The following POLQ variants were observed in gnomAD, a reference collection of about 807,000 sequenced individuals.
POLQ encodes epididymis secretory sperm binding protein.
Under a neutral mutation model 259.2 loss-of-function variants are expected in POLQ, and 233 were observed. The ratio of observed to expected loss-of-function variants is 0.90; its 90% confidence interval spans 0.81 to 1.00. The LOEUF is 1.00. POLQ is among the 50% of genes least tolerant of loss of function. POLQ has a pLI of 0.00. For synonymous variants in POLQ, 1,025 were observed against 1,048.8 expected, an observed-to-expected ratio of 0.98 and a Z score of 0.44; for missense variants, 2,871 against 3,051.6, an observed-to-expected ratio of 0.94 and a Z score of 1.39.
chr3:121,508,016 A>ATTTTTTTTTTTTTTTT (rs4048669), intron 12 of POLQ, among the ~76,000 whole-genome samples: 1 of 129,646 alleles, frequency 7.7e-6, no homozygotes, highest in Non-Finnish European at 1.6e-5. Flanking sequence ...ACCATACACA[A>ATTTTTTTTTTTTTTTT]TTTTTTTTTT....
rs368379916 is a variant in POLQ at position 121,432,340 on chromosome 3, G to A, written c.7737C>T (p.Gly2579=). The change falls in exon 30 of 30, where the codon GGC becomes GGT. Residue 2579 remains glycine, a synonymous_variant. Coordinates refer to ENST00000264233, the MANE Select transcript of POLQ (RefSeq NM_199420.4). Reference sequence around the variant, plus strand: ...AGTCCTTTAGCTCTCCCCAGCTGGCGCCTATTTTCACTTTCACTTTCAATT... The same window carrying A: ...AGTCCTTTAGCTCTCCCCAGCTGGCACCTATTTTCACTTTCACTTTCAATT... ...SVKLKVKVKI[G]ASWGELKDFD... is the part of the protein sequence containing the mutation. The A allele has an allele frequency of 1.8e-5, 29 of 1,605,568 alleles. No individual in the cohort carries two copies. Among genetic ancestry groups the A allele is most frequent in the African/African-American group, 2.7e-5 (2 of 74,236 alleles).
chr3:121,540,916 G>C (rs2048484877), intron 3 of POLQ, among the ~76,000 whole-genome samples: 1 of 143,394 alleles, frequency 7.0e-6, no homozygotes, highest in African/African-American at 2.6e-5. Context: ...TTTTGAGACA[G>C]AGTCTTACTC....
At chr3:121,436,949 T>C (rs1371443763) in intron 27 of POLQ, among the ~76,000 whole-genome samples, 1 of 152,102 alleles carries the variant, frequency 6.6e-6, no homozygotes, top group Non-Finnish European at 1.5e-5. Context: ...TCTGGGTTAA[T>C]ATCCAGGTGT....
At chr3:121,448,866 G>A (rs376834075) in intron 26 of POLQ, among the ~76,000 whole-genome samples, 2 of 152,008 alleles carry the variant, frequency 1.3e-5, no homozygotes, top group Non-Finnish European at 2.9e-5. Context: ...ATTATTATAC[G>A]TAAATTATAC....
intron 26 of POLQ, among the ~76,000 whole-genome samples, chr3:121,444,770 T>C (rs1274670403): frequency 6.6e-6 from 1 of 152,072 alleles, no homozygotes; most frequent in African/African-American, 2.4e-5. Context: ...TATGTAGAGG[T>C]ATGTTTCTTG....
At position 121,545,799 on chromosome 3, in the gene POLQ, T is replaced by C. The variant is rs1341647899; in HGVS notation, c.79A>G (p.Ser27Gly). The change falls in exon 1 of 30, where the codon AGC (serine) becomes GGC (glycine). Residue 27 changes from serine (S) to glycine (G), a missense_variant. This residue lies in a region of POLQ where 783 missense variants were observed against 906.2 expected (regional missense o/e 0.86). Transcript: ENST00000264233. Reference sequence around the variant, plus strand: ...GAGAGGAACTGGGGGCTGGCACTGCTGTCACCGCCGCTTCCCGAGAACGAA... The same window carrying C: ...GAGAGGAACTGGGGGCTGGCACTGCCGTCACCGCCGCTTCCCGAGAACGAA... ...SDSFSGSGGDSSASPQFLSGS... is the reference protein window; with the variant it reads ...SDSFSGSGGDGSASPQFLSGS... 1.9e-6 allele frequency: 3 copies of C among 1,612,480 alleles called. No homozygotes were observed. The highest frequency in any genetic ancestry group is 1.1e-5 in the South Asian group (1 of 90,766).
At chr3:121,499,586 A>T (rs2048151058) in intron 12 of POLQ, among the ~76,000 whole-genome samples, 1 of 152,180 alleles carries the variant, frequency 6.6e-6, no homozygotes, top group Non-Finnish European at 1.5e-5. Flanking sequence ...AGACACTTCT[A>T]ATATCAATAT....
intron 25 of POLQ, among the ~76,000 whole-genome samples, chr3:121,455,507 G>C (rs1379422510): frequency 7.3e-6 from 1 of 136,166 alleles, no homozygotes; most frequent in Non-Finnish European, 1.6e-5. Flanking sequence ...AAGAAGAAAA[G>C]AGAGAAGAAT....
Position 121,460,234 on chromosome 3 carries a change from C to G in POLQ, c.6968G>C (p.Gly2323Ala). The G allele has an allele frequency of 1.2e-6, 2 of 1,608,040 alleles. No individual in the cohort carries two copies. The highest frequency in any genetic ancestry group is 1.7e-6 in the Non-Finnish European group (2 of 1,174,618). Reference protein sequence around the residue: ...SMRHAFVPFPGGSILAADYSQ... With the variant: ...SMRHAFVPFPAGSILAADYSQ... Reference sequence around the variant, plus strand: ...GTAGTCAGCAGCCAGTATTGAACCACCTGAAGTAGAAGTGATTTCAGAAAA... The same window carrying G: ...GTAGTCAGCAGCCAGTATTGAACCAGCTGAAGTAGAAGTGATTTCAGAAAA... The change falls in exon 25 of 30, where the codon GGT becomes GCT. Residue 2323 changes from glycine to alanine, a missense_variant and splice_region_variant. By Grantham distance (60) the Gly-to-Ala change is moderately conservative. Transcript: ENST00000264233.
chr3:121,519,953 AG>A lies in POLQ; in HGVS notation c.1385del (p.Pro462LeufsTer8). ...TATCTAGAGGTCGACCACCAAAAAT[AG>A]GGGTTCGAATAATCACACGACGTGC... ...LPARRVIIRT[P>X]IFGGRPLDIL... On this transcript the variant is annotated frameshift_variant, in exon 9 of 30. Coordinates refer to ENST00000264233, the MANE Select transcript of POLQ (RefSeq NM_199420.4). LOFTEE classifies it high-confidence loss of function. The A allele has an allele frequency of 1.9e-6, 3 of 1,612,208 alleles. No individual in the cohort carries two copies. Among genetic ancestry groups the A allele is most frequent in the Non-Finnish European group, 2.5e-6 (3 of 1,178,328 alleles).
Position 121,432,982 on chromosome 3 carries a change from C to T in POLQ, c.7595G>A (p.Gly2532Asp). 2 of 1,613,010 alleles carry T rather than the reference C, an allele frequency of 1.2e-6. No individual in the cohort carries two copies. The highest frequency in any genetic ancestry group is 1.7e-6 in the Non-Finnish European group (2 of 1,179,024). ...ATCATGGAGTTGAAGGATGAAGAAG[C>T]CTCCTCTGATTGGGCAGAACATCCC... is the stretch of plus-strand genomic sequence containing the variant. ...LQGMFCPIRGGFFILQLHDEL... is the reference protein window; with the variant it reads ...LQGMFCPIRGDFFILQLHDEL... Residue 2532 changes from glycine to aspartate, a missense_variant, in exon 29 of 30, where the codon GGC (glycine) becomes GAC (aspartate). Physicochemically the swap from Gly to Asp is moderately conservative, Grantham distance 94 (BLOSUM62 -1). Coordinates refer to ENST00000264233, the MANE Select transcript of POLQ (RefSeq NM_199420.4).
intron 26 of POLQ, among the ~76,000 whole-genome samples, chr3:121,442,168 G>A (rs2047597849): frequency 1.3e-5 from 2 of 151,942 alleles, no homozygotes; most frequent in South Asian, 2.1e-4. Flanking sequence ...TTTAATTTTT[G>A]TGGGTATATA....
intron 24 of POLQ, 60 bp downstream of exon 24, chr3:121,467,459 C>A (rs1435716676): frequency 1.9e-6 from 3 of 1,558,572 alleles, no homozygotes; most frequent in Non-Finnish European, 2.6e-6. Flanking sequence ...CAGGCTTTAT[C>A]CATGCTTTGA....
chr3:121,523,920 A>C (rs972973157), intron 7 of POLQ, among the ~76,000 whole-genome samples: 4 of 152,132 alleles, frequency 2.6e-5, no homozygotes, highest in African/African-American at 4.8e-5. Context: ...AGGGCAATTA[A>C]TTTTTTAAAA....
rs370077880 is a variant in POLQ, at chr3:121,444,981, A to T, written c.7264+4334T>A. On this transcript the variant is annotated intron_variant, in intron 26 of 29. Coordinates refer to ENST00000264233, the MANE Select transcript of POLQ (RefSeq NM_199420.4). ...TCATGATGAATGATCTTTCTAATAT[A>T]TTGTTGAATTCCATTTGTTACTATT... 3.2e-4 allele frequency among the ~76,000 whole-genome samples: 48 copies of T among 152,240 alleles called. No homozygotes were observed. The South Asian group carries it at 1.0e-2, about 32-fold the overall frequency.
Position 121,431,989 on chromosome 3 carries a change from G to A in POLQ, c.*315C>T, listed in dbSNP as rs749775954. 1.7e-4 allele frequency: 38 copies of A among 221,492 alleles called. No homozygotes were observed. Among genetic ancestry groups the A allele is most frequent in the Middle Eastern group, 2.9e-3 (2 of 682 alleles). The allele number at this position is 221,492 out of a possible 1,614,324, so 13.7% of individuals were successfully genotyped here. A position where few individuals can be genotyped will look rare whatever the true frequency, so the allele number is the denominator to read the frequency against. ...ACCCAGACAGATGTGGAACCAAAGTGCTAAGTGCATATTTCAAGCATCTGT... is the reference window on the plus strand; with the variant it reads ...ACCCAGACAGATGTGGAACCAAAGTACTAAGTGCATATTTCAAGCATCTGT... On this transcript the variant is annotated 3_prime_UTR_variant, in exon 30 of 30. Coordinates refer to ENST00000264233, the MANE Select transcript of POLQ (RefSeq NM_199420.4).
chr3:121,476,627 CATT>C lies in POLQ; in HGVS notation c.6315_6317del (p.Ile2105del), dbSNP rs1394916132. The C allele has an allele frequency of 6.2e-7, 1 of 1,613,870 alleles. No homozygotes were observed. The highest frequency in any genetic ancestry group is 1.3e-5 in the African/African-American group (1 of 74,920). On this transcript the variant is annotated inframe_deletion, in exon 20 of 30. Coordinates refer to ENST00000264233, the MANE Select transcript of POLQ (RefSeq NM_199420.4). ...TCTCAATTGCATCCAGCTTGGCTTG[CATT>C]ATATGTTTCTGACTTTCACATTCTG... is the stretch of plus-strand genomic sequence containing the variant.
intron 18 of POLQ, 150 bp from the exon 19 acceptor site, chr3:121,481,962 A>C (rs1469564310): frequency 1.4e-6 from 1 of 725,902 alleles, no homozygotes; most frequent in Admixed American, 3.0e-5. Context: ...GAAAGAAGGA[A>C]AGAATAATTG....
At chr3:121,436,839 T>C (rs1221542423) in intron 27 of POLQ, among the ~76,000 whole-genome samples, 1 of 150,956 alleles carries the variant, frequency 6.6e-6, no homozygotes, top group African/African-American at 2.4e-5. Context: ...GATCCCTGGG[T>C]ATTCAGTTAC....
Sources: gnomAD v4.1 joint callset for allele counts (sites outside exome capture counted in the v4.1 genomes callset) on GRCh38, gnomAD v4.1.1 for gene constraint, gnomAD v4.1.1 regional missense constraint, MANE v1.5 for transcripts, NCBI Gene and HGNC (gene_info 2026-07-23, HGNC 2026-07-21) for gene names.